The following TMEM181 variants were observed in gnomAD, a reference collection of about 807,000 sequenced individuals.
TMEM181 encodes the protein transmembrane protein 181, also known as G protein-coupled receptor 178.
TMEM181 carries 39 observed loss-of-function variants against 71.9 expected under a neutral mutation model. That is an observed-to-expected ratio of 0.54 (90% CI 0.42 to 0.71). The LOEUF is 0.71. TMEM181 is among the 30% of genes least tolerant of loss of function. The probability of loss-of-function intolerance (pLI) is 0.00; values close to 1 mark genes in which losing one functional copy is unlikely to be tolerated. For synonymous variants in TMEM181, 245 were observed against 228.8 expected, an observed-to-expected ratio of 1.07 and a Z score of -0.64; for missense variants, 595 against 583.0, an observed-to-expected ratio of 1.02 and a Z score of -0.21.
At chr6:158,614,784 A>G (rs1785524201) in intron 10 of TMEM181, among the ~76,000 whole-genome samples, 1 of 152,220 alleles carries the variant, frequency 6.6e-6, no homozygotes, top group Non-Finnish European at 1.5e-5. Context: ...GATGGTTTCC[A>G]GCTTCATCCA....
intron 6 of TMEM181, among the ~76,000 whole-genome samples, chr6:158,602,820 T>TAGCCTCCCACCTC (rs1318967340): frequency 4.6e-5 from 7 of 152,080 alleles, no homozygotes; most frequent in Non-Finnish European, 1.0e-4. Context: ...GGCCTCAAAC[T>TAGCCTCCCACCTC]AGCCTCCCAC....
rs1301076344 is a variant in TMEM181 at position 158,632,885 on chromosome 6, C to CAGGG, written c.*1000_*1003dup. On this transcript the variant is annotated 3_prime_UTR_variant, in exon 17 of 17. Coordinates refer to ENST00000684151, the MANE Select transcript of TMEM181 (RefSeq NM_001376852.1). ...GAGTTTGAGACCAGCCTGGGCAACA[C>CAGGG]AGGGAGACCCCGTCTCTATAAAACA... is the stretch of plus-strand genomic sequence containing the variant. 6.6e-6 allele frequency: 1 copy of CAGGG among 152,364 alleles called. No individual in the cohort carries two copies. The highest frequency in any genetic ancestry group is 6.5e-5 in the Admixed American group (1 of 15,288). The allele number at this position is 152,364 out of a possible 1,614,324, so 9.4% of individuals were successfully genotyped here.
intron 10 of TMEM181, among the ~76,000 whole-genome samples, chr6:158,615,332 A>G (rs1785555679): frequency 6.6e-6 from 1 of 151,736 alleles, no homozygotes; most frequent in South Asian, 2.1e-4. Context: ...TTTTGATGGG[A>G]TTGTTTGATG....
At chr6:158,610,280 A>G (rs1361353694) in intron 10 of TMEM181, 4 of 284,296 alleles carry the variant, frequency 1.4e-5, no homozygotes, top group Middle Eastern at 4.4e-4. Flanking sequence ...TTGTAGTAAC[A>G]TGGAAAATGA....
chr6:158,631,201 G>T, intron 15 of TMEM181, 122 bp from the exon 16 acceptor site: 1 of 969,658 alleles, frequency 1.0e-6, no homozygotes, highest in Non-Finnish European at 1.6e-6. Context: ...ATACAGACAT[G>T]GCAGCTCTGC....
Position 158,635,238 on chromosome 6 carries a change from C to CT in TMEM181, c.*3353dup, listed in dbSNP as rs1786893313. 1 of 152,182 alleles carries CT rather than the reference C, an allele frequency of 6.6e-6. No individual in the cohort carries two copies. Among genetic ancestry groups the CT allele is most frequent in the Non-Finnish European group, 1.5e-5 (1 of 68,034 alleles). 9.4% of individuals were successfully genotyped at this position (152,182 alleles called of 1,614,324 possible). A position where few individuals can be genotyped will look rare whatever the true frequency, so the allele number is the denominator to read the frequency against. On this transcript the variant is annotated 3_prime_UTR_variant, in exon 17 of 17. Transcript: ENST00000684151. ...ATTTGTAAAATAAAATAACACTAAA[C>CT]TTTAAGCCCAAAAGGAGAGATAGAG...
intron 2 of TMEM181, among the ~76,000 whole-genome samples, chr6:158,574,413 T>A (rs1783048832): frequency 6.6e-6 from 1 of 152,194 alleles, no homozygotes; most frequent in African/African-American, 2.4e-5. Flanking sequence ...TTACATTAAT[T>A]ACAGCACAAG....
chr6:158,559,998 G>A, upstream of TMEM181: 1 of 970,342 alleles, frequency 1.0e-6, no homozygotes, highest in Non-Finnish European at 1.2e-6. Context: ...CACCCCCCTC[G>A]CCGCGCGCCC....
chr6:158,543,043 T>C (rs1029278189), intron 1 of TMEM181, among the ~76,000 whole-genome samples: 3 of 150,968 alleles, frequency 2.0e-5, no homozygotes, highest in Non-Finnish European at 4.4e-5. Context: ...GCCTGGCTAA[T>C]TTTTTGTATT....
intron 6 of TMEM181, among the ~76,000 whole-genome samples, chr6:158,601,620 G>A (rs1784674700): frequency 6.6e-6 from 1 of 152,050 alleles, no homozygotes; most frequent in Non-Finnish European, 1.5e-5. Context: ...TTAGCTGAGA[G>A]TGGTGGCGTG....
Position 158,560,126 on chromosome 6 carries a change from CGCTCCG to C in TMEM181, c.-89_-84del, listed in dbSNP as rs925283162. On this transcript the variant is annotated 5_prime_UTR_variant, in exon 1 of 17. Coordinates refer to ENST00000684151, the MANE Select transcript of TMEM181 (RefSeq NM_001376852.1). ...CGGCCGGCCGCTGCTCAGCCGCTGT[CGCTCCG>C]GCTCCGGCTGCGGCTGCCGCTGCCG... 2.0e-6 allele frequency: 2 copies of C among 984,834 alleles called. No individual in the cohort carries two copies. Among genetic ancestry groups the C allele is most frequent in the Non-Finnish European group, 2.4e-6 (2 of 829,692 alleles). The allele number at this position is 984,834 out of a possible 1,614,324, so 61.0% of individuals were successfully genotyped here.
At chr6:158,611,032 G>A (rs1039289168) in intron 10 of TMEM181, 10 of 448,584 alleles carry the variant, frequency 2.2e-5, no homozygotes, top group African/African-American at 6.1e-5. Context: ...TTATGCTTTC[G>A]GATTTCTAAA....
At chr6:158,624,469 A>G (rs2128328094) in intron 11 of TMEM181, among the ~76,000 whole-genome samples, 1 of 152,296 alleles carries the variant, frequency 6.6e-6, no homozygotes, top group Admixed American at 6.5e-5. Context: ...AGGAGCGGGG[A>G]CTGCGTCTAA....
intron 6 of TMEM181, among the ~76,000 whole-genome samples, chr6:158,599,998 C>G (rs114372810): frequency 6.6e-6 from 1 of 152,100 alleles, no homozygotes; most frequent in South Asian, 2.1e-4. Context: ...GAAGGAAGCC[C>G]GGATGGAGTG....
chr6:158,606,462 A>G (rs939310257), intron 7 of TMEM181, among the ~76,000 whole-genome samples: 1 of 152,152 alleles, frequency 6.6e-6, no homozygotes, highest in Non-Finnish European at 1.5e-5. Flanking sequence ...CTCCTGCCAC[A>G]CTCTGGAGTC....
intron 10 of TMEM181, among the ~76,000 whole-genome samples, chr6:158,617,638 C>A (rs1785694398): frequency 6.6e-6 from 1 of 152,220 alleles, no homozygotes; most frequent in African/African-American, 2.4e-5. Flanking sequence ...TTCCTCTACA[C>A]ACTTCTTTAA....
At position 158,614,701 on chromosome 6, in the gene TMEM181, T is replaced by C. The variant is rs558251307; in HGVS notation, c.896+5951T>C. The stretch of plus-strand genomic sequence containing the variant: ...CCACCCTGTGTCCAAGTGTTCTCAT[T>C]GTTCATTTCCCACCTATGAGTGAGA... On this transcript the variant is annotated intron_variant, in intron 10 of 16. Coordinates refer to ENST00000684151, the MANE Select transcript of TMEM181 (RefSeq NM_001376852.1). Among the ~76,000 whole-genome samples, 4 of 152,312 alleles carry C rather than the reference T, an allele frequency of 2.6e-5. No homozygotes were observed. The East Asian group carries it at 7.7e-4, about 29-fold the overall frequency.
chr6:158,613,403 T>A (rs997383786), intron 10 of TMEM181, among the ~76,000 whole-genome samples: 1 of 152,360 alleles, frequency 6.6e-6, no homozygotes, highest in South Asian at 2.1e-4. Context: ...GATGGAACTT[T>A]TTTCCATAGA....
chr6:158,592,994 T>G (rs9457410), intron 6 of TMEM181, among the ~76,000 whole-genome samples: 20,449 of 152,242 alleles, frequency 0.13, 1,541 homozygotes, highest in Middle Eastern at 0.2. Context: ...ACAAGTTTTC[T>G]CATACACATG....
Sources: allele counts gnomAD v4.1 joint callset (sites outside exome capture counted in the v4.1 genomes callset), GRCh38; gene constraint gnomAD v4.1.1; transcripts MANE v1.5; gene names NCBI Gene and HGNC (gene_info 2026-07-23, HGNC 2026-07-21).